CNOT2: variants seen among roughly 807,000 people sequenced by gnomAD.
CNOT2 encodes CCR4-NOT transcription complex subunit 2.
CNOT2 carries 7 observed loss-of-function variants against 72.1 expected under a neutral mutation model. That is an observed-to-expected ratio of 0.10 (90% CI 0.06 to 0.18). CNOT2 has a LOEUF of 0.18. CNOT2 is among the 10% of genes least tolerant of loss of function. The pLI is 1.00. For missense variants in CNOT2, 345 were observed against 660.3 expected (o/e 0.52, Z 5.23); for synonymous variants, 196 against 225.6 (o/e 0.87, Z 1.17).
chr12:70,320,596 T>C (rs1878131947), intron 4 of CNOT2, among the ~76,000 whole-genome samples: 1 of 151,738 alleles, frequency 6.6e-6, no homozygotes, highest in Non-Finnish European at 1.5e-5. Context: ...GAAGGACTAT[T>C]ATTAGCTAGT....
At chr12:70,331,028 A>G (rs376325640) in intron 6 of CNOT2, 5 of 152,152 alleles carry the variant, frequency 3.3e-5, no homozygotes, top group African/African-American at 9.6e-5. Context: ...TACTTTGCGA[A>G]TAAGAGGAGT....
chr12:70,281,805 C>T (rs902194077), intron 2 of CNOT2, among the ~76,000 whole-genome samples: 2 of 110,832 alleles, frequency 1.8e-5, no homozygotes, highest in Admixed American at 1.7e-4. Flanking sequence ...GAACTAGTCA[C>T]AAGTAGCTAT....
intron 7 of CNOT2, among the ~76,000 whole-genome samples, chr12:70,333,327 A>G (rs1053015312): frequency 1.3e-5 from 2 of 151,862 alleles, no homozygotes; most frequent in African/African-American, 4.8e-5. Flanking sequence ...AACCTTTATG[A>G]ATTGTTGATT....
At chr12:70,303,378 T>C (rs1333092544) in intron 2 of CNOT2, among the ~76,000 whole-genome samples, 1 of 152,242 alleles carries the variant, frequency 6.6e-6, no homozygotes, top group Non-Finnish European at 1.5e-5. Context: ...CCGTGTTTAG[T>C]GCTTCCTTCA....
At chr12:70,314,229 A>G (rs1280671802) in intron 3 of CNOT2, among the ~76,000 whole-genome samples, 1 of 152,084 alleles carries the variant, frequency 6.6e-6, no homozygotes, top group African/African-American at 2.4e-5. Context: ...AAAGTCTTCT[A>G]TTAGTTTTTG....
At chr12:70,319,996 A>G (rs1878022479) in intron 4 of CNOT2, among the ~76,000 whole-genome samples, 1 of 151,734 alleles carries the variant, frequency 6.6e-6, no homozygotes, top group African/African-American at 2.4e-5. Context: ...GTTAGCTATT[A>G]TCACATAAAA....
chr12:70,283,118 TTTC>T (rs1333397379), intron 2 of CNOT2, among the ~76,000 whole-genome samples: 2 of 152,194 alleles, frequency 1.3e-5, no homozygotes, highest in African/African-American at 2.4e-5. Flanking sequence ...GTGTATTTCC[TTTC>T]TTTTATTGTT....
chr12:70,270,712 T>A (rs1210329372), intron 1 of CNOT2, among the ~76,000 whole-genome samples: 1 of 152,204 alleles, frequency 6.6e-6, no homozygotes, highest in Non-Finnish European at 1.5e-5. Flanking sequence ...CTGAGTATTC[T>A]GAGCATTTAT....
intron 1 of CNOT2, among the ~76,000 whole-genome samples, chr12:70,252,134 A>G (rs536891585): frequency 2.0e-5 from 3 of 152,352 alleles, no homozygotes; most frequent in African/African-American, 7.2e-5. Context: ...GTTTTTAAAG[A>G]GAAAGAATTG....
intron 2 of CNOT2, among the ~76,000 whole-genome samples, chr12:70,300,831 A>G (rs1428237685): frequency 6.6e-6 from 1 of 152,110 alleles, no homozygotes; most frequent in East Asian, 1.9e-4. Context: ...TTTTCACGAT[A>G]TTGATTCTTC....
intron 2 of CNOT2, among the ~76,000 whole-genome samples, chr12:70,288,945 ACT>A (rs1160950329): frequency 6.7e-6 from 1 of 148,456 alleles, no homozygotes; most frequent in East Asian, 2.0e-4. Context: ...AGGTTTGTTG[ACT>A]CTTTTTCTCT....
intron 1 of CNOT2, among the ~76,000 whole-genome samples, chr12:70,254,187 G>A (rs768903679): frequency 4.0e-5 from 6 of 149,900 alleles, no homozygotes; most frequent in South Asian, 2.1e-4. Context: ...GCAGTGAGCC[G>A]AGATCACGCC....
intron 2 of CNOT2, among the ~76,000 whole-genome samples, chr12:70,310,004 T>C (rs922541290): frequency 2.6e-5 from 4 of 152,088 alleles, no homozygotes; most frequent in African/African-American, 9.7e-5. Context: ...CAGACTGTTT[T>C]TTCTTGTAAT....
intron 13 of CNOT2, among the ~76,000 whole-genome samples, chr12:70,343,297 T>C (rs1414798384): frequency 6.6e-6 from 1 of 152,186 alleles, no homozygotes; most frequent in Admixed American, 6.5e-5. Context: ...GAATGTGTAA[T>C]AACCAAATAA....
At position 70,348,115 on chromosome 12, in the gene CNOT2, T is replaced by C. The variant is rs555478337; in HGVS notation, c.1536+1791T>C. 7 of 152,322 alleles carry C rather than the reference T, an allele frequency of 4.6e-5. No individual in the cohort carries two copies. The East Asian group carries it at 1.4e-3, about 29-fold the overall frequency. 9.4% of individuals were successfully genotyped at this position (152,322 alleles called of 1,614,324 possible). On this transcript the variant is annotated intron_variant, in intron 15 of 15. Transcript: ENST00000229195. ...ATATATGTTTATATACACACACACA[T>C]GCTGATTACAGTGCTTGGCACACGT...
intron 2 of CNOT2, among the ~76,000 whole-genome samples, chr12:70,298,995 T>C (rs1226961070): frequency 6.6e-6 from 1 of 152,132 alleles, no homozygotes; most frequent in Non-Finnish European, 1.5e-5. Context: ...GAGTGGCTTG[T>C]TCTAGTGTAT....
chr12:70,258,533 T>C (rs1376814318), intron 1 of CNOT2, among the ~76,000 whole-genome samples: 3 of 151,944 alleles, frequency 2.0e-5, no homozygotes, highest in Non-Finnish European at 4.4e-5. Flanking sequence ...GTATTAGATA[T>C]TTTATGTTAC....
chr12:70,339,777 T>C (rs1881246690), intron 11 of CNOT2, among the ~76,000 whole-genome samples: 1 of 152,174 alleles, frequency 6.6e-6, no homozygotes, highest in Admixed American at 6.6e-5. Flanking sequence ...CAAATGATGA[T>C]CTTGCTTTTC....
At chr12:70,329,846 A>G (rs1166800644) in intron 5 of CNOT2, among the ~76,000 whole-genome samples, 2 of 151,980 alleles carry the variant, frequency 1.3e-5, no homozygotes, top group Non-Finnish European at 2.9e-5. Context: ...GTCTTCCTCA[A>G]AGGAATATGT....
Sources: allele counts gnomAD v4.1 joint callset (sites outside exome capture counted in the v4.1 genomes callset), GRCh38; gene constraint gnomAD v4.1.1; transcripts MANE v1.5; gene names NCBI Gene and HGNC (gene_info 2026-07-23, HGNC 2026-07-21).